CFAP74: variants seen among roughly 807,000 people sequenced by gnomAD.
The protein encoded by CFAP74 is cilia and flagella associated protein 74, also known as cilia- and flagella-associated protein 74.
A neutral mutation model predicts 188.9 loss-of-function variants in CFAP74; 124 were observed. The observed-to-expected ratio is 0.66, with a 90% CI of 0.57 to 0.76. The LOEUF is 0.76. CFAP74 is among the 30% of genes least tolerant of loss of function. The pLI is 0.00. For missense variants in CFAP74, 2,198 were observed against 2,165.2 expected (o/e 1.02, Z -0.30); for synonymous variants, 956 against 916.7 (o/e 1.04, Z -0.77).
intron 26 of CFAP74, 81 bp downstream of exon 26, chr1:1,929,979 G>A (rs1023767253): frequency 1.4e-6 from 2 of 1,399,674 alleles, no homozygotes; most frequent in South Asian, 1.4e-5. Flanking sequence ...GTTAAGGGTG[G>A]GCAGAGCCAG....
chr1:1,994,392 A>G (rs1314969091), intron 1 of CFAP74, among the ~76,000 whole-genome samples: 1 of 152,186 alleles, frequency 6.6e-6, no homozygotes, highest in Non-Finnish European at 1.5e-5. Context: ...ATAATTCACT[A>G]AAAATATTTT....
chr1:1,945,189 C>T (rs1653663934), intron 20 of CFAP74, among the ~76,000 whole-genome samples: 1 of 151,956 alleles, frequency 6.6e-6, no homozygotes. Flanking sequence ...TGCCTGTGGT[C>T]CCAGCTACGT....
At chr1:1,947,499 C>T (rs1440252757) in intron 18 of CFAP74, among the ~76,000 whole-genome samples, 1 of 152,258 alleles carries the variant, frequency 6.6e-6, no homozygotes, top group East Asian at 1.9e-4. Flanking sequence ...TGGCAGGCTC[C>T]TGGTTTCCAT....
In CFAP74 at chr1:1,946,308, A is replaced by T; in HGVS notation, c.2364+9T>A. ...GGTGTGTGCGTGGCGTGGCAGCAGG[A>T]ATACTCACCGTGGGGCACTGGGGGT... On this transcript the variant is annotated intron_variant, in intron 20 of 38. Transcript: ENST00000682832. 3 of 1,533,258 alleles carry T rather than the reference A, an allele frequency of 2.0e-6. No homozygotes were observed. Among genetic ancestry groups the T allele is most frequent in the Non-Finnish European group, 2.6e-6 (3 of 1,145,030 alleles). The allele number at this position is 1,533,258 out of a possible 1,614,324, so 95.0% of individuals were successfully genotyped here. A position where few individuals can be genotyped will look rare whatever the true frequency, so the allele number is the denominator to read the frequency against.
chr1:1,999,038 G>C (rs1658068645), intron 1 of CFAP74, among the ~76,000 whole-genome samples: 1 of 152,198 alleles, frequency 6.6e-6, no homozygotes, highest in Admixed American at 6.5e-5. Flanking sequence ...ACAGAAATGT[G>C]TGTGTGTGTC....
At position 1,968,747 on chromosome 1, in the gene CFAP74, T is replaced by C. The variant is rs35269416; in HGVS notation, c.1133A>G (p.Lys378Arg). Reference sequence around the variant, plus strand: ...CCTGGCACTGGTGGGGGGATGCTGTTTCTTCCTCTTTTCCTCCTCAGCCTC... The same window carrying C: ...CCTGGCACTGGTGGGGGGATGCTGTCTCTTCCTCTTTTCCTCCTCAGCCTC... ...KEEAEEEKRK[K>R]QHPPTSARHR... is the part of the protein sequence containing the mutation. The change falls in exon 11 of 39, where the codon AAA (lysine) becomes AGA (arginine). Residue 378 changes from lysine (K) to arginine (R), a missense_variant. Transcript: ENST00000682832. This position sits in a 1 kb window ranked among gnomAD's most constrained non-coding sequence, Gnocchi z 4.3. 0.19 allele frequency: 305,938 copies of C among 1,613,486 alleles called. 30,252 individuals are homozygous for C. The highest frequency in any genetic ancestry group is 0.28 in the Middle Eastern group (1,725 of 6,056).
chr1:1,979,431 C>G, intron 6 of CFAP74, among the ~76,000 whole-genome samples: 1 of 142,586 alleles, frequency 7.0e-6, no homozygotes, highest in African/African-American at 2.6e-5. Context: ...TGGTACTGAG[C>G]TGGGCGTGGG....
chr1:1,955,119 C>T (rs748834599), intron 18 of CFAP74: 3 of 1,285,298 alleles, frequency 2.3e-6, no homozygotes, highest in Non-Finnish European at 3.0e-6. Flanking sequence ...CAGCTCCGCG[C>T]TGAGCTGCAG....
In CFAP74 at chr1:1,972,931, C is replaced by T. The variant is rs774360959; in HGVS notation, c.785+6G>A. On this transcript the variant is annotated splice_donor_region_variant and intron_variant, in intron 8 of 38. Coordinates refer to ENST00000682832, the MANE Select transcript of CFAP74 (RefSeq NM_001304360.2). The stretch of plus-strand genomic sequence containing the variant: ...TCTCCTTAAGGACGTCGAAGGGAGG[C>T]CCTACCTTCCCAGGGAGGCCTTCAG... 4.4e-6 allele frequency: 7 copies of T among 1,594,372 alleles called. No homozygotes were observed. The South Asian group carries it at 7.7e-5, about 18-fold the overall frequency.
intron 1 of CFAP74, among the ~76,000 whole-genome samples, chr1:1,994,622 A>G (rs557872395): frequency 6.6e-6 from 1 of 152,338 alleles, no homozygotes; most frequent in African/African-American, 2.4e-5. Context: ...GGCCAAACCT[A>G]TTCAGCTCTG....
At chr1:1,927,161 A>G in intron 28 of CFAP74, 133 bp from the exon 29 acceptor site, 1 of 1,068,166 alleles carries the variant, frequency 9.4e-7, no homozygotes, top group Non-Finnish European at 1.3e-6. Flanking sequence ...GTTGTGTCTG[A>G]CAAACTGGCT....
Position 1,926,746 on chromosome 1 carries a change from C to T in CFAP74, c.3678G>A (p.Leu1226=), listed in dbSNP as rs1449241812. Residue 1226 remains leucine (L), a synonymous_variant, in exon 30 of 39, where the codon CTG becomes CTA. Coordinates refer to ENST00000682832, the MANE Select transcript of CFAP74 (RefSeq NM_001304360.2). ...CCGTCGGGCACCACAGCTCCAGGTA[C>T]AGGGTGTTGTGGGGGCTGGGATAGG... ...EPLSFSPHNT[L]YLELWCPTVA... 1 of 1,549,968 alleles carries T rather than the reference C, an allele frequency of 6.5e-7. No individual in the cohort carries two copies. Among genetic ancestry groups the T allele is most frequent in the Non-Finnish European group, 8.7e-7 (1 of 1,146,822 alleles).
intron 6 of CFAP74, among the ~76,000 whole-genome samples, chr1:1,981,085 C>T (rs943275258): frequency 4.6e-5 from 7 of 152,188 alleles, no homozygotes; most frequent in Admixed American, 1.3e-4. Context: ...GCGGGGACCA[C>T]GCTCTCCAAG....
rs1653155955 is a variant in CFAP74, at chr1:1,938,975, T to A, written c.2891A>T (p.Gln964Leu). ...FVRLPKFVDV[Q>L]PNDGFGTILP... ...GATCGTCCCAAACCCATCGTTGGGTTGGACGTCCACAAACTGGAAATAGAA... is the reference window on the plus strand; with the variant it reads ...GATCGTCCCAAACCCATCGTTGGGTAGGACGTCCACAAACTGGAAATAGAA... Residue 964 changes from glutamine (Q) to leucine (L), a missense_variant, in exon 25 of 39, where the codon CAA (glutamine) becomes CTA (leucine). By Grantham distance (113) the Gln-to-Leu change is moderately radical. Coordinates refer to ENST00000682832, the MANE Select transcript of CFAP74 (RefSeq NM_001304360.2). The A allele has an allele frequency of 1.3e-6, 2 of 1,535,910 alleles. No individual in the cohort carries two copies. The highest frequency in any genetic ancestry group is 2.0e-5 in the Admixed American group (1 of 50,976).
chr1:1,970,825 CAG>C lies in CFAP74; in HGVS notation c.889-11_889-10del, dbSNP rs540044623. On this transcript the variant is annotated splice_polypyrimidine_tract_variant and intron_variant, in intron 9 of 38. Transcript: ENST00000682832. ...AACTTCCGCAGTGTGTCCTTGGAAACAGAGAGCACTGAGATGACAGCAGCAGC... is the reference window on the plus strand; with the variant it reads ...AACTTCCGCAGTGTGTCCTTGGAAACAGAGCACTGAGATGACAGCAGCAGC... The C allele has an allele frequency of 6.2e-7, 1 of 1,613,780 alleles. No homozygotes were observed. The highest frequency in any genetic ancestry group is 1.1e-5 in the South Asian group (1 of 91,082).
At chr1:1,946,861 G>A in intron 19 of CFAP74, 129 bp downstream of exon 19, 1 of 719,756 alleles carries the variant, frequency 1.4e-6, no homozygotes, top group Non-Finnish European at 2.4e-6. Context: ...ACAAAGTCTG[G>A]CCTGTCTCTG....
chr1:1,978,303 T>A (rs186171961), intron 6 of CFAP74, among the ~76,000 whole-genome samples: 36 of 152,148 alleles, frequency 2.4e-4, no homozygotes, highest in African/African-American at 7.7e-4. Context: ...GGCTCCCTGT[T>A]GCCTTGGGGC....
intron 24 of CFAP74, 130 bp from the exon 25 acceptor site, chr1:1,939,118 C>A: frequency 2.1e-6 from 2 of 970,360 alleles, no homozygotes; most frequent in Non-Finnish European, 3.0e-6. Context: ...GTGAGAGTGT[C>A]GCTGTCAACG....
At position 1,975,420 on chromosome 1, in the gene CFAP74, A is replaced by G. The variant is rs1656376395; in HGVS notation, c.501-1222T>C. On this transcript the variant is annotated intron_variant, in intron 6 of 38. Transcript: ENST00000682832. This position sits in a 1 kb window ranked among gnomAD's most constrained non-coding sequence, Gnocchi z 4.5. Reference sequence around the variant, plus strand: ...CAAGGGAGGTGTGTCTGCGTGTCTCACACGTGGCTGGATTTCAATGTTGAA... The same window carrying G: ...CAAGGGAGGTGTGTCTGCGTGTCTCGCACGTGGCTGGATTTCAATGTTGAA... Among the ~76,000 whole-genome samples the G allele has an allele frequency of 6.6e-6, 1 of 152,158 alleles. No homozygotes were observed. The highest frequency in any genetic ancestry group is 2.4e-5 in the African/African-American group (1 of 41,430).
Sources: allele counts gnomAD v4.1 joint callset (sites outside exome capture counted in the v4.1 genomes callset), GRCh38; gene constraint gnomAD v4.1.1; non-coding constraint Gnocchi (gnomAD v3.1); transcripts MANE v1.5; gene names NCBI Gene and HGNC (gene_info 2026-07-23, HGNC 2026-07-21).